SMARCA2: variants seen among roughly 807,000 people sequenced by gnomAD.
SMARCA2 encodes the protein SWI/SNF-related matrix-associated actin-dependent regulator of chromatin subfamily A member 2.
Under a neutral mutation model 199.8 loss-of-function variants are expected in SMARCA2, and 61 were observed. The observed-to-expected ratio is 0.31, with a 90% CI of 0.25 to 0.38. The LOEUF is 0.38. Ranked by LOEUF, SMARCA2 falls within the 10% of genes least tolerant of loss-of-function variation. The pLI, the probability that SMARCA2 is intolerant of heterozygous loss-of-function variation, is 1.00. For missense variants in SMARCA2, 1,344 were observed against 2,012.2 expected (o/e 0.67, Z 6.35); for synonymous variants, 935 against 732.0 (o/e 1.28, Z -4.48).
At chr9:2,042,130 CCTTA>C (rs1586638693) in intron 4 of SMARCA2, 1 of 152,206 alleles carries the variant, frequency 6.6e-6, no homozygotes, top group East Asian at 1.9e-4. Context: ...TATCTGCACA[CCTTA>C]CTTAGATCCT....
rs531087914 is a variant in SMARCA2, at chr9:2,061,202, T to C, written c.1692+216T>C. Among the ~76,000 whole-genome samples, 8 of 152,342 alleles carry C rather than the reference T, an allele frequency of 5.3e-5. No individual in the cohort carries two copies. The East Asian group carries it at 1.5e-3, about 29-fold the overall frequency. Reference sequence around the variant, plus strand: ...GGCATAATAATGGGATATACTAAACTAAAACAATGTTGTTCATAAATCATT... The same window carrying C: ...GGCATAATAATGGGATATACTAAACCAAAACAATGTTGTTCATAAATCATT... On this transcript the variant is annotated intron_variant, in intron 9 of 33. Coordinates refer to ENST00000349721, the MANE Select transcript of SMARCA2 (RefSeq NM_003070.5).
At position 2,176,255 on chromosome 9, in the gene SMARCA2, C is replaced by T. The variant is rs142942971; in HGVS notation, c.4254-5316C>T. 3.3e-3 allele frequency among the ~76,000 whole-genome samples: 482 copies of T among 144,056 alleles called. 5 individuals are homozygous for T. The highest frequency in any genetic ancestry group is 0.012 in the African/African-American group (446 of 38,540). The allele number at this position is 144,056 out of a possible 152,430, so 94.5% of individuals were successfully genotyped here. On this transcript the variant is annotated intron_variant, in intron 29 of 33. Transcript: ENST00000349721. ...TTTAAAATACATAATTTTAGACTCTCTTGCATTCTATTACTTGTTCTTTCC... is the reference window on the plus strand; with the variant it reads ...TTTAAAATACATAATTTTAGACTCTTTTGCATTCTATTACTTGTTCTTTCC...
At chr9:2,063,379 G>T (rs1004873911) in intron 9 of SMARCA2, among the ~76,000 whole-genome samples, 1 of 152,182 alleles carries the variant, frequency 6.6e-6, no homozygotes, top group Admixed American at 6.5e-5. Context: ...TCCCTCCATT[G>T]CAGTGAATGA....
rs1388950613 is a variant in SMARCA2, at chr9:2,104,106, T to A, written c.3229T>A (p.Ser1077Thr). The part of the protein sequence containing the change: ...HRVLLFCQMT[S>T]LMTIMEDYFA... ...AGTGCTGCTTTTCTGCCAGATGACA[T>A]CTCTCATGACCATCATGGAGGATTA... Residue 1077 changes from serine to threonine, a missense_variant, in exon 23 of 34, where the codon TCT (serine) becomes ACT (threonine). Transcript: ENST00000349721. The surrounding 1 kb of genome is among the most constrained non-coding windows in gnomAD (Gnocchi z 4.0). 6 of 1,613,972 alleles carry A rather than the reference T, an allele frequency of 3.7e-6. No homozygotes were observed. The highest frequency in any genetic ancestry group is 3.3e-5 in the Admixed American group (2 of 59,998).
chr9:2,094,632 C>T (rs1822194795), intron 19 of SMARCA2, among the ~76,000 whole-genome samples: 1 of 152,226 alleles, frequency 6.6e-6, no homozygotes, highest in Non-Finnish European at 1.5e-5. Context: ...GATTCTATTT[C>T]AAATCCTAAC....
intron 27 of SMARCA2, among the ~76,000 whole-genome samples, chr9:2,131,037 C>T (rs1425125070): frequency 6.6e-6 from 1 of 152,200 alleles, no homozygotes; most frequent in Non-Finnish European, 1.5e-5. Flanking sequence ...TGTTCCTTTG[C>T]TCTTTCTGCC....
At chr9:2,055,175 A>G (rs1020594759) in intron 6 of SMARCA2, among the ~76,000 whole-genome samples, 2 of 152,272 alleles carry the variant, frequency 1.3e-5, no homozygotes, top group East Asian at 3.8e-4. Flanking sequence ...GTGGTTCATC[A>G]TTTATAGAAA....
At chr9:2,088,449 G>A in intron 18 of SMARCA2, 51 bp from the exon 19 acceptor site, 7 of 1,541,090 alleles carry the variant, frequency 4.5e-6, no homozygotes, top group East Asian at 2.3e-5. Context: ...TTTATTGTAT[G>A]AAACATCCTT....
intron 8 of SMARCA2, 86 bp downstream of exon 8, chr9:2,058,550 GA>G (rs1394727285): frequency 1.8e-6 from 2 of 1,128,886 alleles, no homozygotes; most frequent in Admixed American, 2.4e-5. Context: ...GTAGTAGAAG[GA>G]AAAAATGAAA....
chr9:2,059,984 C>T (rs1219974055), intron 8 of SMARCA2, among the ~76,000 whole-genome samples: 1 of 151,860 alleles, frequency 6.6e-6, no homozygotes, highest in East Asian at 1.9e-4. Context: ...TCTGTTTAAC[C>T]TCATCATGTT....
intron 9 of SMARCA2, 41 bp from the exon 10 acceptor site, chr9:2,070,377 C>A (rs74548926): frequency 3.1e-5 from 48 of 1,567,708 alleles, no homozygotes; most frequent in Non-Finnish European, 3.9e-5. Flanking sequence ...TGTACCCCAT[C>A]ATCTTGGTTA....
In SMARCA2 at chr9:2,039,539, A is replaced by C. The variant is rs890253610; in HGVS notation, c.429A>C (p.Pro143=). The stretch of plus-strand genomic sequence containing the variant: ...CCAGCCCTATGTCTGGAGGAGGCCC[A>C]ACTCCACCTCAGATGCCACCAAGCC... ...HVSSPMSGGG[P]TPPQMPPSQP... is the part of the protein sequence containing the mutation. The change falls in exon 4 of 34, where the codon CCA becomes CCC. Residue 143 remains proline (P), a synonymous_variant. Coordinates refer to ENST00000349721, the MANE Select transcript of SMARCA2 (RefSeq NM_003070.5). The surrounding 1 kb of genome is among the most constrained non-coding windows in gnomAD (Gnocchi z 4.8). The C allele has an allele frequency of 3.1e-6, 5 of 1,614,004 alleles. No homozygotes were observed. The highest frequency in any genetic ancestry group is 4.2e-6 in the Non-Finnish European group (5 of 1,180,024).
intron 27 of SMARCA2, among the ~76,000 whole-genome samples, chr9:2,156,395 T>A (rs1180094274): frequency 6.8e-6 from 1 of 146,644 alleles, no homozygotes; most frequent in Non-Finnish European, 1.5e-5. Context: ...GAAAATACCA[T>A]AAAGTTTACC....
chr9:2,087,474 T>G (rs1339182692), intron 18 of SMARCA2: 1 of 165,444 alleles, frequency 6.0e-6, no homozygotes. Flanking sequence ...TGGAGTTCCC[T>G]TTAAAATATT....
chr9:2,056,894 A>G lies in SMARCA2; in HGVS notation c.1347+49A>G, dbSNP rs746829682. The stretch of plus-strand genomic sequence containing the variant: ...CACCCTCACTTTGGCAGAGCTGTCC[A>G]ATGAATTCATCAAATGGGGTCAGAA... On this transcript the variant is annotated intron_variant, in intron 7 of 33. Coordinates refer to ENST00000349721, the MANE Select transcript of SMARCA2 (RefSeq NM_003070.5). The surrounding 1 kb of genome is among the most constrained non-coding windows in gnomAD (Gnocchi z 4.0). 1.9e-6 allele frequency: 3 copies of G among 1,555,808 alleles called. No individual in the cohort carries two copies. The highest frequency in any genetic ancestry group is 2.6e-6 in the Non-Finnish European group (3 of 1,139,850).
intron 27 of SMARCA2, chr9:2,160,290 G>T (rs1185571189): frequency 4.9e-6 from 2 of 412,290 alleles, no homozygotes; most frequent in Non-Finnish European, 8.6e-6. Flanking sequence ...TCTGAACACT[G>T]TAGGATCGTG....
intron 4 of SMARCA2, chr9:2,044,786 C>G (rs561862575): frequency 6.6e-6 from 1 of 152,304 alleles, no homozygotes; most frequent in South Asian, 2.1e-4. Flanking sequence ...AGTTGCAGTA[C>G]TTTTAAATTG....
Position 2,036,712 on chromosome 9 carries a change from A to AT in SMARCA2, c.356-2749dup, listed in dbSNP as rs3838719. Reference sequence around the variant, plus strand: ...TGTTGTATTGACTAACTCAGAAATGATTTTTATTTCCCTCTCAATTTTCTG... The same window carrying AT: ...TGTTGTATTGACTAACTCAGAAATGATTTTTTATTTCCCTCTCAATTTTCTG... On this transcript the variant is annotated intron_variant, in intron 3 of 33. Coordinates refer to ENST00000349721, the MANE Select transcript of SMARCA2 (RefSeq NM_003070.5). 3.4e-4 allele frequency among the ~76,000 whole-genome samples: 51 copies of AT among 152,182 alleles called. 1 individual carries two copies. In the East Asian group the frequency reaches 9.8e-3, roughly 29 times the overall value.
chr9:2,052,750 A>G (rs906587214), intron 5 of SMARCA2, among the ~76,000 whole-genome samples: 3 of 152,170 alleles, frequency 2.0e-5, no homozygotes, highest in African/African-American at 7.2e-5. Context: ...TTTGGGCTAT[A>G]TGAAGTATTA....
Sources: allele counts gnomAD v4.1 joint callset (sites outside exome capture counted in the v4.1 genomes callset), GRCh38; gene constraint gnomAD v4.1.1; non-coding constraint Gnocchi (gnomAD v3.1); transcripts MANE v1.5; gene names NCBI Gene and HGNC (gene_info 2026-07-23, HGNC 2026-07-21).